The following MPI variants were observed in gnomAD, a reference collection of about 807,000 sequenced individuals.
MPI encodes mannose-6-phosphate isomerase.
Under a neutral mutation model 40.1 loss-of-function variants are expected in MPI, and 33 were observed. That is an observed-to-expected ratio of 0.82 (90% CI 0.62 to 1.10). MPI has a LOEUF of 1.10. Among genes scored for constraint, MPI ranks in the 50% least tolerant of loss-of-function variants. The pLI, the probability that MPI is intolerant of heterozygous loss-of-function variation, is 0.00. For synonymous variants in MPI, 187 were observed against 207.4 expected (o/e 0.90, Z 0.85); for missense variants, 514 against 524.1 (o/e 0.98, Z 0.19).
intron 7 of MPI, 22 bp from the exon 8 acceptor site, chr15:74,897,490 C>CT (rs2064839169): frequency 1.2e-6 from 2 of 1,611,040 alleles, no homozygotes; most frequent in Non-Finnish European, 1.7e-6. Flanking sequence ...GCTGCACTGC[C>CT]TTATCATTTC....
chr15:74,894,095 T>TG (rs2064775826), intron 5 of MPI, among the ~76,000 whole-genome samples: 2 of 54,972 alleles, frequency 3.6e-5, no homozygotes, highest in South Asian at 5.9e-4. Context: ...TGTGTGTGTG[T>TG]GTGTGTGTGT....
chr15:74,890,923 C>T (rs879793189), intron 2 of MPI: 10 of 625,760 alleles, frequency 1.6e-5, no homozygotes, highest in Non-Finnish European at 2.9e-5. Context: ...AGTTTTTTTA[C>T]TTTGACTATT....
chr15:74,892,988 T>C lies in MPI; in HGVS notation c.488-150T>C, dbSNP rs572270102. 17 of 1,312,192 alleles carry C rather than the reference T, an allele frequency of 1.3e-5. No homozygotes were observed. The South Asian group carries it at 2.0e-4, about 15-fold the overall frequency. The allele number at this position is 1,312,192 out of a possible 1,614,324, so 81.3% of individuals were successfully genotyped here. On this transcript the variant is annotated intron_variant, in intron 4 of 7. Coordinates refer to ENST00000352410, the MANE Select transcript of MPI (RefSeq NM_002435.3). ...CTCAGGTGTGGTAGTCAAGGGCTGG[T>C]GGTGAGTGATTGGTTTCCACTGCAA...
chr15:74,893,747 G>C, intron 5 of MPI: 1 of 416,524 alleles, frequency 2.4e-6, no homozygotes, highest in Non-Finnish European at 4.4e-6. Context: ...TTTACCTTCT[G>C]TGTGCCCAAC....
At chr15:74,894,666 A>AATCCCAGCT (rs1191294059) in intron 5 of MPI, among the ~76,000 whole-genome samples, 2 of 150,308 alleles carry the variant, frequency 1.3e-5, no homozygotes, top group Admixed American at 1.3e-4. Flanking sequence ...GTGTGCCTGT[A>AATCCCAGCT]ATCCCAGCTA....
intron 5 of MPI, 106 bp from the exon 6 acceptor site, chr15:74,896,046 G>C: frequency 7.1e-7 from 1 of 1,407,052 alleles, no homozygotes; most frequent in East Asian, 2.3e-5. Flanking sequence ...TTGGCTTCTG[G>C]ATTCCTGTGG....
chr15:74,893,104 C>G, intron 4 of MPI, 34 bp from the exon 5 acceptor site: 1 of 1,612,568 alleles, frequency 6.2e-7, no homozygotes, highest in Non-Finnish European at 8.5e-7. Flanking sequence ...TCTTACCATT[C>G]CTGATATGGG....
Position 74,896,997 on chromosome 15 carries a change from G to T in MPI, c.845-14G>T. ...ATACTTCATCAGCTTAGCACATGACGACTGTCTCTCCAGACTGCGTGGAGT... is the reference window on the plus strand; with the variant it reads ...ATACTTCATCAGCTTAGCACATGACTACTGTCTCTCCAGACTGCGTGGAGT... On this transcript the variant is annotated splice_polypyrimidine_tract_variant and intron_variant, in intron 6 of 7. Transcript: ENST00000352410. 2 of 1,613,764 alleles carry T rather than the reference G, an allele frequency of 1.2e-6. No homozygotes were observed. Among genetic ancestry groups the T allele is most frequent in the Non-Finnish European group, 1.7e-6 (2 of 1,179,806 alleles).
intron 6 of MPI, 198 bp from the exon 7 acceptor site, chr15:74,896,813 A>T (rs1249601241): frequency 3.0e-6 from 2 of 665,212 alleles, no homozygotes; most frequent in Non-Finnish European, 5.4e-6. Flanking sequence ...GGTTAACATG[A>T]CTCCCCTCTG....
At chr15:74,896,088 T>C (rs2064813198) in intron 5 of MPI, 64 bp from the exon 6 acceptor site, 1 of 1,593,406 alleles carries the variant, frequency 6.3e-7, no homozygotes, top group Non-Finnish European at 8.6e-7. Flanking sequence ...CCCTGGCCAA[T>C]GTGGGGCTAT....
chr15:74,901,894 T>C lies in MPI; in HGVS notation c.*4164T>C. 1 of 389,250 alleles carries C rather than the reference T, an allele frequency of 2.6e-6. No individual in the cohort carries two copies. Among genetic ancestry groups the C allele is most frequent in the Non-Finnish European group, 4.5e-6 (1 of 220,726 alleles). 24.1% of individuals were successfully genotyped at this position (389,250 alleles called of 1,614,324 possible). A position where few individuals can be genotyped will look rare whatever the true frequency, so the allele number is the denominator to read the frequency against. On this transcript the variant is annotated 3_prime_UTR_variant, in exon 8 of 8. Transcript: ENST00000352410. Reference sequence around the variant, plus strand: ...AAATACAAATAAATAAATATGAACATGTCAGAGCAGTTTTTCTCTAACTAG... The same window carrying C: ...AAATACAAATAAATAAATATGAACACGTCAGAGCAGTTTTTCTCTAACTAG...
Position 74,891,530 on chromosome 15 carries a change from A to G in MPI, c.296A>G (p.Lys99Arg), listed in dbSNP as rs2064726523. 2 of 1,614,062 alleles carry G rather than the reference A, an allele frequency of 1.2e-6. No homozygotes were observed. The highest frequency in any genetic ancestry group is 1.3e-5 in the African/African-American group (1 of 74,920). The part of the protein sequence containing the change: ...TFNGNLPFLF[K>R]VLSVETPLSI... ...AATGGCAACCTGCCCTTCCTCTTCA[A>G]AGTGCTCTCAGTTGAAACACCCCTG... Residue 99 changes from lysine (K) to arginine (R), a missense_variant, in exon 3 of 8, where the codon AAA becomes AGA. By Grantham distance (26) the Lys-to-Arg change is conservative (BLOSUM62 2). Transcript: ENST00000352410.
Position 74,890,663 on chromosome 15 carries a change from C to T in MPI, c.144+9C>T, listed in dbSNP as rs777662328. ...ACAAGCCTTATGCAGAGGTGAGCCC[C>T]GGGCTGTATTTCAGCCCACTTTACC... On this transcript the variant is annotated intron_variant, in intron 2 of 7. Transcript: ENST00000352410. 2.5e-6 allele frequency: 4 copies of T among 1,613,230 alleles called. No individual in the cohort carries two copies. Among genetic ancestry groups the T allele is most frequent in the Non-Finnish European group, 2.5e-6 (3 of 1,180,026 alleles).
Position 74,892,850 on chromosome 15 carries a change from C to T in MPI, c.487+48C>T, listed in dbSNP as rs924551749. ...GGCATGCGTACTGGGCCAGGGATAC[C>T]TGGGGAACCAAGATGATAGGAACAG... On this transcript the variant is annotated intron_variant, in intron 4 of 7. Transcript: ENST00000352410. 3 of 1,613,512 alleles carry T rather than the reference C, an allele frequency of 1.9e-6. No individual in the cohort carries two copies. The East Asian group carries it at 6.7e-5, about 36-fold the overall frequency.
chr15:74,897,631 A>C lies in MPI; in HGVS notation c.1173A>C (p.Gln391His), dbSNP rs1375419552. ...TPTTQTPIPL[Q>H]RGGVLFIGAN... ...CAACCCAGACACCAATCCCTCTGCA[A>C]CGTGGTGGCGTGCTCTTCATTGGGG... Residue 391 changes from glutamine (Q) to histidine (H), a missense_variant, in exon 8 of 8, where the codon CAA becomes CAC. By Grantham distance (24) the Gln-to-His change is conservative. Coordinates refer to ENST00000352410, the MANE Select transcript of MPI (RefSeq NM_002435.3). 6.2e-6 allele frequency: 10 copies of C among 1,614,178 alleles called. No homozygotes were observed. The highest frequency in any genetic ancestry group is 1.7e-6 in the Non-Finnish European group (2 of 1,180,022).
intron 2 of MPI, 114 bp downstream of exon 2, chr15:74,890,768 A>T (rs372697139): frequency 6.9e-7 from 1 of 1,459,206 alleles, no homozygotes; most frequent in East Asian, 2.3e-5. Flanking sequence ...GAGGAGACCC[A>T]CTTGGCTCTT....
Position 74,890,067 on chromosome 15 carries a change from G to A in MPI, c.-7G>A, listed in dbSNP as rs2064699160. ...ATACGTGCTTAATCCTGGTGCAGGG[G>A]GCGAGCATGGCCGCTCCGCGAGGTG... On this transcript the variant is annotated 5_prime_UTR_variant, in exon 1 of 8. Transcript: ENST00000352410. 1.2e-6 allele frequency: 2 copies of A among 1,607,146 alleles called. No homozygotes were observed. The highest frequency in any genetic ancestry group is 8.5e-7 in the Non-Finnish European group (1 of 1,179,970).
chr15:74,897,979 C>A lies in MPI; in HGVS notation c.*249C>A. 1.8e-6 allele frequency: 1 copy of A among 557,022 alleles called. No homozygotes were observed. The highest frequency in any genetic ancestry group is 3.3e-6 in the Non-Finnish European group (1 of 304,104). The allele number at this position is 557,022 out of a possible 1,614,324, so 34.5% of individuals were successfully genotyped here. A position where few individuals can be genotyped will look rare whatever the true frequency, so the allele number is the denominator to read the frequency against. ...CTTTGTCTTCCCTCTCTACTCCTCG[C>A]TACACCTGAGCCAGGCTCTTGCCAA... On this transcript the variant is annotated 3_prime_UTR_variant, in exon 8 of 8. Transcript: ENST00000352410.
In MPI at chr15:74,897,846, G is replaced by A. The variant is rs2064846058; in HGVS notation, c.*116G>A. ...CTCTGGACCCCTTAGGTATACCCTG[G>A]AAGAGCTGGGGTGGGGGAGGAGGGA... On this transcript the variant is annotated 3_prime_UTR_variant, in exon 8 of 8. Coordinates refer to ENST00000352410, the MANE Select transcript of MPI (RefSeq NM_002435.3). 1.0e-6 allele frequency: 1 copy of A among 1,003,196 alleles called. No individual in the cohort carries two copies. The highest frequency in any genetic ancestry group is 1.5e-6 in the Non-Finnish European group (1 of 650,780). The allele number at this position is 1,003,196 out of a possible 1,614,324, so 62.1% of individuals were successfully genotyped here. A position where few individuals can be genotyped will look rare whatever the true frequency, so the allele number is the denominator to read the frequency against.
Sources: gnomAD v4.1 joint callset for allele counts (sites outside exome capture counted in the v4.1 genomes callset) on GRCh38, gnomAD v4.1.1 for gene constraint, MANE v1.5 for transcripts, NCBI Gene and HGNC (gene_info 2026-07-23, HGNC 2026-07-21) for gene names.